The following KLF8 variants were observed in gnomAD, a reference collection of about 807,000 sequenced individuals.
KLF8 encodes KLF transcription factor 8.
Under a neutral mutation model 18.2 loss-of-function variants are expected in KLF8, and 10 were observed. That is an observed-to-expected ratio of 0.55 (90% CI 0.34 to 0.93). KLF8 has a LOEUF of 0.93. Ranked by LOEUF, KLF8 falls within the 40% of genes least tolerant of loss-of-function variation. KLF8 has a pLI of 0.02. For missense variants in KLF8, 264 were observed against 277.9 expected, an observed-to-expected ratio of 0.95 and a Z score of 0.36; for synonymous variants, 109 against 97.3, an observed-to-expected ratio of 1.12 and a Z score of -0.71.
the KLF8 span, among the ~76,000 whole-genome samples, chrX:55,982,901 A>C: frequency 8.9e-6 from 1 of 112,126 alleles, no homozygotes; most frequent in Non-Finnish European, 1.9e-5. Context: ...ATGTAAGGTA[A>C]ATGAATGAAG....
the KLF8 span, among the ~76,000 whole-genome samples, chrX:56,020,639 C>T: frequency 9.0e-5 from 10 of 111,682 alleles, no homozygotes; most frequent in African/African-American, 3.3e-4. Context: ...CAGTATCAGA[C>T]TGAAGATATT....
At chrX:56,004,867 ATGAC>A in the KLF8 span, among the ~76,000 whole-genome samples, 1 of 110,992 alleles carries the variant, frequency 9.0e-6, no homozygotes, top group Admixed American at 9.6e-5. Context: ...CATTTGTGGT[ATGAC>A]TGACAACTCG....
chrX:56,128,905 A>G, the KLF8 span, among the ~76,000 whole-genome samples: 12 of 112,299 alleles, frequency 1.1e-4, no homozygotes, highest in African/African-American at 3.9e-4. Context: ...ACTTCTCAAA[A>G]CATCATTTCT....
the KLF8 span, among the ~76,000 whole-genome samples, chrX:56,202,559 T>TCTCCCCCCCCCCCCCCCC: frequency 1.3e-5 from 1 of 75,806 alleles, no homozygotes; most frequent in Non-Finnish European, 2.6e-5. Flanking sequence ...CCATTAACCT[T>TCTCCCCCCCCCCCCCCCC]CCCCCCCCCT....
chrX:56,189,291 C>T, the KLF8 span, among the ~76,000 whole-genome samples: 471 of 112,126 alleles, frequency 4.2e-3, 2 homozygotes, highest in Non-Finnish European at 7.2e-3. Context: ...CACTGGCCAT[C>T]AGAGAAATGC....
the KLF8 span, among the ~76,000 whole-genome samples, chrX:56,080,574 C>G: frequency 8.4e-4 from 93 of 111,174 alleles, 1 homozygote; most frequent in Non-Finnish European, 1.5e-3. Context: ...CTCTGGCTGC[C>G]CTTAACATTT....
intron 5 of KLF8, among the ~76,000 whole-genome samples, chrX:56,271,706 G>C (rs979106061): frequency 2.7e-5 from 3 of 111,435 alleles, no homozygotes; most frequent in Admixed American, 1.9e-4. Flanking sequence ...ATGGGAGATG[G>C]ATGCTGACTA....
At chrX:56,097,332 CCTTT>C in the KLF8 span, among the ~76,000 whole-genome samples, 10 of 106,493 alleles carry the variant, frequency 9.4e-5, no homozygotes, top group Non-Finnish European at 1.7e-4. Flanking sequence ...ATTTCTACAC[CCTTT>C]CTTTCTTTTT....
At chrX:56,050,716 G>C in the KLF8 span, among the ~76,000 whole-genome samples, 1 of 111,861 alleles carries the variant, frequency 8.9e-6, no homozygotes, top group Non-Finnish European at 1.9e-5. Context: ...AATATGTGTG[G>C]TGTGGTACTG....
rs950691851 is a variant in KLF8 at position 56,287,549 on chromosome X, G to A, written c.*3055G>A. 3 of 111,753 alleles carry A rather than the reference G, an allele frequency of 2.7e-5. No homozygotes were observed. Among genetic ancestry groups the A allele is most frequent in the Admixed American group, 9.5e-5 (1 of 10,514 alleles). The allele number at this position is 111,753 out of a possible 1,213,427, so 9.2% of individuals were successfully genotyped here. Reference sequence around the variant, plus strand: ...TCGATAGGGTTGGATAATATTCTGGGATTTGTTGCAGCAGAATTCCTCTAT... The same window carrying A: ...TCGATAGGGTTGGATAATATTCTGGAATTTGTTGCAGCAGAATTCCTCTAT... On this transcript the variant is annotated 3_prime_UTR_variant, in exon 6 of 6. Coordinates refer to ENST00000468660, the MANE Select transcript of KLF8 (RefSeq NM_007250.5).
chrX:55,996,976 G>A, the KLF8 span, among the ~76,000 whole-genome samples: 1 of 112,114 alleles, frequency 8.9e-6, no homozygotes, highest in Admixed American at 9.4e-5. Flanking sequence ...GGGATGGTGA[G>A]GTCTGTGTAC....
chrX:55,938,788 A>G, the KLF8 span, among the ~76,000 whole-genome samples: 1 of 111,885 alleles, frequency 8.9e-6, no homozygotes, highest in Non-Finnish European at 1.9e-5. Context: ...AGACCATTAC[A>G]TAATGGTAAA....
the KLF8 span, among the ~76,000 whole-genome samples, chrX:56,049,840 T>TAGCTTCAGA: frequency 1.8e-5 from 2 of 108,979 alleles, no homozygotes; most frequent in Non-Finnish European, 3.8e-5. Flanking sequence ...TCAGAAGGAA[T>TAGCTTCAGA]GGTACCAGTT....
the KLF8 span, among the ~76,000 whole-genome samples, chrX:56,055,033 T>G: frequency 8.9e-6 from 1 of 111,996 alleles, no homozygotes; most frequent in Non-Finnish European, 1.9e-5. Flanking sequence ...TAATCGACCT[T>G]ACTACCCTGT....
chrX:56,164,729 C>CTTTTTTTTTTTTTTTTTTATTTTTT, the KLF8 span, among the ~76,000 whole-genome samples: 1 of 51,920 alleles, frequency 1.9e-5, no homozygotes, highest in African/African-American at 8.6e-5. Context: ...CTTGTTATCT[C>CTTTTTTTTTTTTTTTTTTATTTTTT]TTTTTTTTTT....
At chrX:56,165,220 T>C in the KLF8 span, among the ~76,000 whole-genome samples, 1 of 111,551 alleles carries the variant, frequency 9.0e-6, no homozygotes, top group Non-Finnish European at 1.9e-5. Flanking sequence ...GAATCTCAAT[T>C]GCAGTTTAGT....
At chrX:56,043,130 G>C in the KLF8 span, among the ~76,000 whole-genome samples, 2 of 111,221 alleles carry the variant, frequency 1.8e-5, no homozygotes, top group African/African-American at 6.5e-5. Flanking sequence ...TTTTAAGAAT[G>C]TTGAATATTG....
the KLF8 span, among the ~76,000 whole-genome samples, chrX:56,195,852 A>G: frequency 8.9e-6 from 1 of 111,871 alleles, no homozygotes; most frequent in Non-Finnish European, 1.9e-5. Context: ...GTTACCCACA[A>G]AAGAAAACCC....
chrX:56,270,347 AAC>A (rs370151924), intron 5 of KLF8, 26 bp downstream of exon 5: 8,549 of 626,401 alleles, frequency 0.014, no homozygotes, highest in Middle Eastern at 0.028. Context: ...TCTCACCCCC[AAC>A]ACACACACAC....
Sources: gnomAD v4.1 joint callset for allele counts (sites outside exome capture counted in the v4.1 genomes callset) on GRCh38, gnomAD v4.1.1 for gene constraint, MANE v1.5 for transcripts, NCBI Gene and HGNC (gene_info 2026-07-23, HGNC 2026-07-21) for gene names.